Variants in CRYZL1 observed in about 807,000 individuals in gnomAD.
CRYZL1 encodes ferry endosomal RAB5 effector complex subunit 4.
Under a neutral mutation model 50.6 loss-of-function variants are expected in CRYZL1, and 34 were observed. That is an observed-to-expected ratio of 0.67 (90% confidence interval 0.51 to 0.89). CRYZL1 has a LOEUF of 0.89. CRYZL1 is among the 40% of genes least tolerant of loss of function. CRYZL1 has a pLI of 0.00. For synonymous variants in CRYZL1, 125 were observed against 134.3 expected (o/e 0.93, Z 0.48); for missense variants, 354 against 402.3 (o/e 0.88, Z 1.03).
intron 2 of CRYZL1, among the ~76,000 whole-genome samples, chr21:33,630,913 G>T (rs1012376226): frequency 1.3e-5 from 2 of 152,142 alleles, no homozygotes; most frequent in Non-Finnish European, 2.9e-5. Context: ...AATATTACAT[G>T]ATCTCACTCA....
At chr21:33,607,053 A>G (rs1399079528) in intron 6 of CRYZL1, among the ~76,000 whole-genome samples, 1 of 152,160 alleles carries the variant, frequency 6.6e-6, no homozygotes, top group Non-Finnish European at 1.5e-5. Flanking sequence ...GCCATATTTC[A>G]GCATCTAAGA....
intron 5 of CRYZL1, among the ~76,000 whole-genome samples, chr21:33,614,981 A>T (rs752947204): frequency 3.3e-5 from 5 of 152,212 alleles, no homozygotes; most frequent in Non-Finnish European, 7.3e-5. Flanking sequence ...TTTCCTGAGC[A>T]GAATAAAAAG....
chr21:33,591,348 T>C, intron 11 of CRYZL1, 141 bp from the exon 12 acceptor site: 1 of 692,044 alleles, frequency 1.4e-6, no homozygotes, highest in South Asian at 1.7e-5. Flanking sequence ...GTTAGAGAAA[T>C]TCTGTAGGAC....
chr21:33,604,355 CAAAAAAAA>C (rs71194858), intron 6 of CRYZL1, among the ~76,000 whole-genome samples: 1 of 69,618 alleles, frequency 1.4e-5, no homozygotes. Context: ...GACTCCGTCT[CAAAAAAAA>C]AAAAAAAAAA....
At chr21:33,606,067 T>C (rs953050314) in intron 6 of CRYZL1, among the ~76,000 whole-genome samples, 12 of 152,198 alleles carry the variant, frequency 7.9e-5, no homozygotes, top group Non-Finnish European at 1.5e-4. Flanking sequence ...CACCAGGTGA[T>C]AGCACACACA....
intron 1 of CRYZL1, among the ~76,000 whole-genome samples, chr21:33,638,906 G>A (rs2087243080): frequency 6.6e-6 from 1 of 152,202 alleles, no homozygotes; most frequent in Non-Finnish European, 1.5e-5. Flanking sequence ...AGAGTCAACT[G>A]AGTGGGACAG....
At chr21:33,623,568 C>T (rs1035525802) in intron 3 of CRYZL1, among the ~76,000 whole-genome samples, 1 of 152,152 alleles carries the variant, frequency 6.6e-6, no homozygotes, top group African/African-American at 2.4e-5. Context: ...GAAAAGACTT[C>T]AGGGGATCCC....
chr21:33,629,060 C>T (rs1332322968), intron 2 of CRYZL1, among the ~76,000 whole-genome samples: 1 of 80,364 alleles, frequency 1.2e-5, no homozygotes, highest in Admixed American at 1.2e-4. Context: ...CAAAACCTGC[C>T]TCTACCAAAA....
intron 9 of CRYZL1, among the ~76,000 whole-genome samples, chr21:33,598,035 T>G (rs1192551663): frequency 3.3e-5 from 5 of 152,318 alleles, no homozygotes; most frequent in Non-Finnish European, 7.3e-5. Context: ...TATTCAACAT[T>G]TAATTGTAAT....
intron 5 of CRYZL1, 74 bp downstream of exon 5, chr21:33,616,632 T>C (rs1273225437): frequency 6.2e-7 from 1 of 1,601,568 alleles, no homozygotes; most frequent in Admixed American, 1.7e-5. Context: ...CAGTGAACAT[T>C]AATAGTTATA....
intron 6 of CRYZL1, among the ~76,000 whole-genome samples, chr21:33,608,171 T>G (rs2086833080): frequency 1.3e-5 from 2 of 152,116 alleles, no homozygotes; most frequent in Admixed American, 6.6e-5. Flanking sequence ...AACATATCCC[T>G]TGGCTGGGCG....
chr21:33,603,373 T>C lies in CRYZL1; in HGVS notation c.465+31A>G, dbSNP rs368362573. ...ATTTCCTAAGTTTACTGTATGCTTG[T>C]CTGTTTCTTAACAAAACCATTAGCA... On this transcript the variant is annotated intron_variant, in intron 7 of 12. Coordinates refer to ENST00000381554, the MANE Select transcript of CRYZL1 (RefSeq NM_145858.3). 5.6e-6 allele frequency: 9 copies of C among 1,609,600 alleles called. No individual in the cohort carries two copies. In the East Asian group the frequency reaches 1.8e-4, roughly 32 times the overall value.
At position 33,620,815 on chromosome 21, in the gene CRYZL1, A is replaced by AAAAAC. The variant is rs529506005; in HGVS notation, c.217+1176_217+1180dup. Among the ~76,000 whole-genome samples the AAAAAC allele has an allele frequency of 7.6e-4, 115 of 151,928 alleles. 1 individual carries two copies. In the South Asian group the frequency reaches 0.023, roughly 30 times the overall value. ...ACAGAGTGAGACTCTGAAAAAAAACAAAAACAAAACAAAACAAAACAAAAA... is the reference window on the plus strand; with the variant it reads ...ACAGAGTGAGACTCTGAAAAAAAACAAAAACAAAACAAAACAAAACAAAACAAAAA... On this transcript the variant is annotated intron_variant, in intron 4 of 12. Transcript: ENST00000381554.
At chr21:33,618,725 C>A (rs1391477425) in intron 4 of CRYZL1, among the ~76,000 whole-genome samples, 1 of 152,158 alleles carries the variant, frequency 6.6e-6, no homozygotes, top group East Asian at 1.9e-4. Context: ...GTGCCATCAT[C>A]CCCCAATCCT....
rs775879454 is a variant in CRYZL1 at position 33,602,378 on chromosome 21, G to A, written c.466-33C>T. ...GAAAAAAATATACAGTGGGTGTATG[G>A]TTATAGAACAGAGGCCATATCGAAT... On this transcript the variant is annotated intron_variant, in intron 7 of 12. Coordinates refer to ENST00000381554, the MANE Select transcript of CRYZL1 (RefSeq NM_145858.3). 5.1e-6 allele frequency: 5 copies of A among 982,538 alleles called. No homozygotes were observed. In the East Asian group the frequency reaches 1.2e-4, roughly 24 times the overall value. The allele number at this position is 982,538 out of a possible 1,614,324, so 60.9% of individuals were successfully genotyped here.
At chr21:33,603,288 AAGTC>A in intron 7 of CRYZL1, 112 bp downstream of exon 7, 1 of 1,277,086 alleles carries the variant, frequency 7.8e-7, no homozygotes, top group South Asian at 1.5e-5. Flanking sequence ...ACTGGAAAAA[AAGTC>A]AATCAATAAG....
At chr21:33,629,250 AAAG>A (rs1372888705) in intron 2 of CRYZL1, among the ~76,000 whole-genome samples, 30 of 152,028 alleles carry the variant, frequency 2.0e-4, no homozygotes, top group Non-Finnish European at 1.5e-5. Flanking sequence ...CAACAACAAC[AAAG>A]AACTGCTACT....
intron 4 of CRYZL1, among the ~76,000 whole-genome samples, chr21:33,619,140 G>A (rs1353261591): frequency 6.6e-6 from 1 of 152,042 alleles, no homozygotes; most frequent in Non-Finnish European, 1.5e-5. Context: ...ATCAAATGTT[G>A]GTTCCAATTC....
Position 33,612,420 on chromosome 21 carries a change from G to A in CRYZL1, c.331+1118C>T, listed in dbSNP as rs574950384. Among the ~76,000 whole-genome samples, 521 of 152,102 alleles carry A rather than the reference G, an allele frequency of 3.4e-3. 4 individuals are homozygous for A. Among genetic ancestry groups the A allele is most frequent in the African/African-American group, 0.012 (509 of 41,462 alleles). On this transcript the variant is annotated intron_variant, in intron 6 of 12. Transcript: ENST00000381554. ...TCCTGCCTCAGCCTCCCGAGTAGCT[G>A]GGATTACAGGCGTGCGCCAACAGCC...
Sources: gnomAD v4.1 joint callset for allele counts (sites outside exome capture counted in the v4.1 genomes callset) on GRCh38, gnomAD v4.1.1 for gene constraint, MANE v1.5 for transcripts, NCBI Gene and HGNC (gene_info 2026-07-23, HGNC 2026-07-21) for gene names.